FAM135B: variants seen among roughly 807,000 people sequenced by gnomAD.
FAM135B encodes the protein protein FAM135B.
A neutral mutation model predicts 127.7 loss-of-function variants in FAM135B; 43 were observed. The observed-to-expected ratio is 0.34, with a 90% confidence interval of 0.26 to 0.43. The LOEUF (loss-of-function observed/expected upper bound fraction) is 0.43. FAM135B is among the 20% of genes least tolerant of loss of function. The pLI is 1.00. For missense variants in FAM135B, 1,558 were observed against 1,725.6 expected (o/e 0.90, Z 1.72); for synonymous variants, 670 against 665.1 (o/e 1.01, Z -0.11).
At chr8:138,181,135 G>T (rs1814992105) in intron 9 of FAM135B, among the ~76,000 whole-genome samples, 1 of 152,150 alleles carries the variant, frequency 6.6e-6, no homozygotes, top group Non-Finnish European at 1.5e-5. Context: ...CAGCTAATCG[G>T]GAGGCTGAGG....
intron 12 of FAM135B, among the ~76,000 whole-genome samples, chr8:138,167,344 C>T (rs770169767): frequency 5.3e-5 from 8 of 151,996 alleles, no homozygotes; most frequent in Middle Eastern, 3.2e-3. Context: ...TACAGGTGTC[C>T]GCCACCACGC....
At chr8:138,150,520 T>C (rs1818036850) in intron 13 of FAM135B, among the ~76,000 whole-genome samples, 1 of 151,934 alleles carries the variant, frequency 6.6e-6, no homozygotes, top group Non-Finnish European at 1.5e-5. Flanking sequence ...GTACAAAAAT[T>C]AGCTGGGTGT....
intron 1 of FAM135B, among the ~76,000 whole-genome samples, chr8:138,388,893 T>C (rs1027017526): frequency 6.6e-6 from 1 of 152,190 alleles, no homozygotes; most frequent in African/African-American, 2.4e-5. Context: ...CAATGTGAAC[T>C]GTGGACTTTG....
At chr8:138,446,719 C>T (rs1013422925) in intron 1 of FAM135B, among the ~76,000 whole-genome samples, 1 of 151,918 alleles carries the variant, frequency 6.6e-6, no homozygotes, top group Non-Finnish European at 1.5e-5. Flanking sequence ...AAAACCTAGG[C>T]AATACCATTC....
At position 138,242,584 on chromosome 8, in the gene FAM135B, A is replaced by G. The variant is rs1386246511; in HGVS notation, c.669+358T>C. On this transcript the variant is annotated intron_variant, in intron 7 of 19. Coordinates refer to ENST00000395297, the MANE Select transcript of FAM135B (RefSeq NM_015912.4). The surrounding 1 kb of genome is among the most constrained non-coding windows in gnomAD (Gnocchi z 9.6). ...TGATGTTCAGAGAGTGCACAAATGA[A>G]AGCGGGAGCCAGGTTTTGAAACCAG... is the stretch of plus-strand genomic sequence containing the variant. 6.6e-6 allele frequency among the ~76,000 whole-genome samples: 1 copy of G among 152,194 alleles called. No homozygotes were observed. Among genetic ancestry groups the G allele is most frequent in the African/African-American group, 2.4e-5 (1 of 41,454 alleles).
chr8:138,226,768 G>T (rs1368472074), intron 7 of FAM135B, among the ~76,000 whole-genome samples: 1 of 152,104 alleles, frequency 6.6e-6, no homozygotes, highest in African/African-American at 2.4e-5. Context: ...CACCATGTTG[G>T]CCAGGCTAGT....
intron 2 of FAM135B, among the ~76,000 whole-genome samples, chr8:138,353,933 T>C (rs964531033): frequency 6.6e-6 from 1 of 152,134 alleles, no homozygotes; most frequent in African/African-American, 2.4e-5. Flanking sequence ...CTCCTCTTGC[T>C]GCTTGATCCT....
At chr8:138,360,934 T>G (rs952860143) in intron 2 of FAM135B, among the ~76,000 whole-genome samples, 3 of 151,958 alleles carry the variant, frequency 2.0e-5, no homozygotes, top group African/African-American at 7.2e-5. Context: ...TCTTCTTTTT[T>G]TTTTTTTTTC....
At chr8:138,202,890 T>C (rs1231019971) in intron 7 of FAM135B, among the ~76,000 whole-genome samples, 1 of 152,142 alleles carries the variant, frequency 6.6e-6, no homozygotes, top group Non-Finnish European at 1.5e-5. Flanking sequence ...GGACACAGTT[T>C]GGTTTGAAGG....
At chr8:138,208,218 T>G (rs931724505) in intron 7 of FAM135B, among the ~76,000 whole-genome samples, 34 of 152,262 alleles carry the variant, frequency 2.2e-4, no homozygotes, top group African/African-American at 7.9e-4. Context: ...AATAGGTCAG[T>G]GAGTGGTGTT....
intron 1 of FAM135B, among the ~76,000 whole-genome samples, chr8:138,372,292 C>T (rs117102306): frequency 0.036 from 5,489 of 152,332 alleles, 140 homozygotes; most frequent in Non-Finnish European, 0.055. Flanking sequence ...CAGGCAGCAA[C>T]ACCCACAGCT....
intron 1 of FAM135B, among the ~76,000 whole-genome samples, chr8:138,463,657 G>A (rs75113746): frequency 0.028 from 4,319 of 152,186 alleles, 154 homozygotes; most frequent in African/African-American, 0.083. Flanking sequence ...CTCAGGAGGC[G>A]CGCAATGAGA....
Position 138,141,411 on chromosome 8 carries a change from A to G in FAM135B, c.3639-62T>C, listed in dbSNP as rs2130601976. 6.5e-7 allele frequency: 1 copy of G among 1,546,702 alleles called. No individual in the cohort carries two copies. The highest frequency in any genetic ancestry group is 8.9e-7 in the Non-Finnish European group (1 of 1,123,540). ...GGTGAATGCTGCTGCCCAAGAGTGCAGTGCTGGAAGCATCAGGGGCCATTG... is the reference window on the plus strand; with the variant it reads ...GGTGAATGCTGCTGCCCAAGAGTGCGGTGCTGGAAGCATCAGGGGCCATTG... On this transcript the variant is annotated intron_variant, in intron 16 of 19. Transcript: ENST00000395297. This position sits in a 1 kb window ranked among gnomAD's most constrained non-coding sequence, Gnocchi z 4.7.
intron 1 of FAM135B, among the ~76,000 whole-genome samples, chr8:138,407,477 C>G (rs1018222039): frequency 6.6e-6 from 1 of 152,028 alleles, no homozygotes; most frequent in Non-Finnish European, 1.5e-5. Context: ...AGAACAAAGC[C>G]GGAGGCATCA....
At chr8:138,204,592 A>C (rs72723613) in intron 7 of FAM135B, among the ~76,000 whole-genome samples, 59 of 152,338 alleles carry the variant, frequency 3.9e-4, no homozygotes, top group Non-Finnish European at 6.8e-4. Context: ...GCCTGGCCTC[A>C]GGGTCCAGCT....
At chr8:138,353,082 C>T (rs1051629958) in intron 2 of FAM135B, among the ~76,000 whole-genome samples, 5 of 152,192 alleles carry the variant, frequency 3.3e-5, no homozygotes, top group Non-Finnish European at 5.9e-5. Flanking sequence ...GATCACATCA[C>T]TCCCCTACTT....
intron 2 of FAM135B, among the ~76,000 whole-genome samples, chr8:138,343,089 C>T (rs1476430903): frequency 6.6e-6 from 1 of 152,194 alleles, no homozygotes; most frequent in African/African-American, 2.4e-5. Context: ...AAGCTTGTCC[C>T]ATGACGAATA....
At chr8:138,466,119 G>A (rs977805524) in intron 1 of FAM135B, among the ~76,000 whole-genome samples, 1 of 152,156 alleles carries the variant, frequency 6.6e-6, no homozygotes, top group South Asian at 2.1e-4. Flanking sequence ...AGCCTGGACA[G>A]TATGTTCTTC....
rs953330180 is a variant in FAM135B at position 138,149,136 on chromosome 8, A to T, written c.3282-450T>A. Among the ~76,000 whole-genome samples, 155 of 127,708 alleles carry T rather than the reference A, an allele frequency of 1.2e-3. 1 individual carries two copies. The highest frequency in any genetic ancestry group is 4.4e-3 in the Middle Eastern group (1 of 226). 83.8% of individuals were successfully genotyped at this position (127,708 alleles called of 152,430 possible). A position where few individuals can be genotyped will look rare whatever the true frequency, so the allele number is the denominator to read the frequency against. On this transcript the variant is annotated intron_variant, in intron 13 of 19. Transcript: ENST00000395297. ...CTAAAACTTAAAGTATAATAATAAA[A>T]AAATAAATAAATAAATAAATAAATA...
Sources: gnomAD v4.1 joint callset for allele counts (sites outside exome capture counted in the v4.1 genomes callset) on GRCh38, gnomAD v4.1.1 for gene constraint, Gnocchi (gnomAD v3.1) non-coding constraint, MANE v1.5 for transcripts, NCBI Gene and HGNC (gene_info 2026-07-23, HGNC 2026-07-21) for gene names.